Variants in NRP1 observed in about 807,000 individuals in gnomAD.
The protein encoded by NRP1 is neuropilin-1.
Under a neutral mutation model 106.7 loss-of-function variants are expected in NRP1, and 35 were observed. The observed-to-expected ratio is 0.33, with a 90% CI of 0.25 to 0.43. NRP1 has a LOEUF of 0.43. Ranked by LOEUF, NRP1 falls within the 20% of genes least tolerant of loss-of-function variation. The pLI is 1.00. For missense variants in NRP1, 1,024 were observed against 1,170.4 expected, an observed-to-expected ratio of 0.87 and a Z score of 1.83; for synonymous variants, 437 against 417.9, an observed-to-expected ratio of 1.05 and a Z score of -0.56.
intron 7 of NRP1, among the ~76,000 whole-genome samples, chr10:33,222,599 C>T (rs755145504): frequency 7.2e-5 from 11 of 151,928 alleles, no homozygotes; most frequent in Middle Eastern, 6.3e-3. Flanking sequence ...CGGCTCACTG[C>T]GGCCTCCGCC....
Position 33,213,702 on chromosome 10 carries a change from C to A in NRP1, c.1298G>T (p.Gly433Val), listed in dbSNP as rs1441999445. ...GCKITDYPCSGMLGMVSGLIS... is the reference protein window; with the variant it reads ...GCKITDYPCSVMLGMVSGLIS... ...AAGTCCAGACACCATACCCAACATT[C>A]CAGAGCAAGGATAATCTGGGAAGTG... is the stretch of plus-strand genomic sequence containing the variant. Residue 433 changes from glycine to valine, a missense_variant, in exon 9 of 17, where the codon GGA (glycine) becomes GTA (valine). By Grantham distance (109) the Gly-to-Val change is moderately radical (BLOSUM62 -3). Coordinates refer to ENST00000374867, the MANE Select transcript of NRP1 (RefSeq NM_003873.7). 3 of 1,593,400 alleles carry A rather than the reference C, an allele frequency of 1.9e-6. No individual in the cohort carries two copies. Among genetic ancestry groups the A allele is most frequent in the Non-Finnish European group, 2.6e-6 (3 of 1,168,098 alleles).
At chr10:33,329,838 CAT>C (rs1487452052) in intron 2 of NRP1, among the ~76,000 whole-genome samples, 1 of 152,178 alleles carries the variant, frequency 6.6e-6, no homozygotes, top group Non-Finnish European at 1.5e-5. Flanking sequence ...GACGAGCAAA[CAT>C]GTATCTGAGT....
chr10:33,214,777 A>G (rs2132829367), intron 8 of NRP1, among the ~76,000 whole-genome samples: 1 of 152,354 alleles, frequency 6.6e-6, no homozygotes, highest in African/African-American at 2.4e-5. Flanking sequence ...TCGTAGAGAC[A>G]GAAAGCAAAA....
At chr10:33,188,087 AT>A (rs1367582876) in intron 13 of NRP1, among the ~76,000 whole-genome samples, 1 of 152,032 alleles carries the variant, frequency 6.6e-6, no homozygotes, top group Non-Finnish European at 1.5e-5. Flanking sequence ...TTGCCCACTA[AT>A]TTATCAAGAT....
At chr10:33,285,973 C>T (rs1005473131) in intron 2 of NRP1, among the ~76,000 whole-genome samples, 3 of 152,218 alleles carry the variant, frequency 2.0e-5, no homozygotes, top group Non-Finnish European at 2.9e-5. Flanking sequence ...CCTTACTTTG[C>T]CTCCAATCTG....
At chr10:33,333,821 T>C (rs892777697) in intron 1 of NRP1, among the ~76,000 whole-genome samples, 15 of 152,010 alleles carry the variant, frequency 9.9e-5, no homozygotes, top group Non-Finnish European at 1.9e-4. Flanking sequence ...ACGGAAGGTG[T>C]ACAAAGGCGG....
chr10:33,306,120 G>A (rs1846139594), intron 2 of NRP1, among the ~76,000 whole-genome samples: 2 of 152,134 alleles, frequency 1.3e-5, no homozygotes, highest in South Asian at 4.1e-4. Context: ...ATGTAGGGAA[G>A]TGATTGTTTA....
chr10:33,318,524 A>G (rs1033404534), intron 2 of NRP1, among the ~76,000 whole-genome samples: 1 of 152,086 alleles, frequency 6.6e-6, no homozygotes, highest in African/African-American at 2.4e-5. Flanking sequence ...GACTGAACCT[A>G]TGTATTCTAA....
intron 6 of NRP1, among the ~76,000 whole-genome samples, chr10:33,231,916 G>A (rs544491802): frequency 6.6e-6 from 1 of 152,276 alleles, no homozygotes; most frequent in Non-Finnish European, 1.5e-5. Flanking sequence ...TGAAATCATG[G>A]ACACTAAACA....
chr10:33,266,494 CA>C (rs1842925597), intron 3 of NRP1, among the ~76,000 whole-genome samples: 1 of 107,994 alleles, frequency 9.3e-6, no homozygotes, highest in Admixed American at 8.1e-5. Context: ...TCTGTAACTT[CA>C]TATTTTGTCC....
At chr10:33,272,888 G>T (rs1843409857) in intron 2 of NRP1, among the ~76,000 whole-genome samples, 1 of 152,156 alleles carries the variant, frequency 6.6e-6, no homozygotes, top group South Asian at 2.1e-4. Flanking sequence ...AATAAGAGAG[G>T]TGGGTGAGGC....
intron 13 of NRP1, among the ~76,000 whole-genome samples, chr10:33,189,459 CTGAACTGCACTG>C (rs1292305493): frequency 6.6e-6 from 1 of 152,238 alleles, no homozygotes; most frequent in Non-Finnish European, 1.5e-5. Context: ...GAAGCCCTCA[CTGAACTGCACTG>C]TGGTTGCTTC....
intron 2 of NRP1, among the ~76,000 whole-genome samples, chr10:33,283,972 T>C (rs1273861995): frequency 6.6e-6 from 1 of 152,154 alleles, no homozygotes; most frequent in Admixed American, 6.5e-5. Context: ...AATCCCAAGA[T>C]AACCTTATGG....
intron 2 of NRP1, among the ~76,000 whole-genome samples, chr10:33,302,346 C>T (rs1038135517): frequency 6.6e-6 from 1 of 152,184 alleles, no homozygotes; most frequent in East Asian, 1.9e-4. Flanking sequence ...CCTGTTTGGC[C>T]CCTTTGCGTA....
rs773202986 is a variant in NRP1, at chr10:33,330,842, G to A, written c.114C>T (p.Tyr38=). The A allele has an allele frequency of 3.7e-6, 6 of 1,611,856 alleles. No homozygotes were observed. The highest frequency in any genetic ancestry group is 4.2e-6 in the Non-Finnish European group (5 of 1,178,706). ...AATGAGGATAACCAGGAGATGTAAGGTACCCGGGGCTTTCAATTTTTATAG... is the reference window on the plus strand; with the variant it reads ...AATGAGGATAACCAGGAGATGTAAGATACCCGGGGCTTTCAATTTTTATAG... ...GDTIKIESPG[Y]LTSPGYPHSY... The change falls in exon 2 of 17, where the codon TAC becomes TAT. Residue 38 remains tyrosine (Y), a synonymous_variant. Coordinates refer to ENST00000374867, the MANE Select transcript of NRP1 (RefSeq NM_003873.7).
intron 2 of NRP1, among the ~76,000 whole-genome samples, chr10:33,275,041 G>A (rs1843585473): frequency 1.3e-5 from 2 of 152,122 alleles, no homozygotes; most frequent in African/African-American, 2.4e-5. Context: ...ATTAGAAACA[G>A]GATTTGGAAA....
intron 2 of NRP1, among the ~76,000 whole-genome samples, chr10:33,313,683 C>G (rs1156357630): frequency 2.0e-5 from 3 of 152,078 alleles, no homozygotes; most frequent in African/African-American, 7.2e-5. Flanking sequence ...GAGCTCACAG[C>G]TAATTAGAGC....
In NRP1 at chr10:33,233,056, T is replaced by C. The variant is rs73257947; in HGVS notation, c.982-6767A>G. 7.6e-3 allele frequency among the ~76,000 whole-genome samples: 1,151 copies of C among 152,276 alleles called. 11 individuals are homozygous for C. Among genetic ancestry groups the C allele is most frequent in the African/African-American group, 0.026 (1,062 of 41,566 alleles). On this transcript the variant is annotated intron_variant, in intron 6 of 16. Transcript: ENST00000374867. ...CAATATGGATATGAAATTCTAACAC[T>C]GGTGGTGGAAAGTCTACCCACAACT...
At chr10:33,322,182 C>T (rs556545089) in intron 2 of NRP1, among the ~76,000 whole-genome samples, 1 of 152,244 alleles carries the variant, frequency 6.6e-6, no homozygotes, top group East Asian at 1.9e-4. Flanking sequence ...GCACTGGACA[C>T]AGTGGTATCT....
Sources: allele counts gnomAD v4.1 joint callset (sites outside exome capture counted in the v4.1 genomes callset), GRCh38; gene constraint gnomAD v4.1.1; transcripts MANE v1.5; gene names NCBI Gene and HGNC (gene_info 2026-07-23, HGNC 2026-07-21).